The following CACNG2 variants were observed in gnomAD, a reference collection of about 807,000 sequenced individuals.
CACNG2 encodes voltage-dependent calcium channel gamma-2 subunit.
Under a neutral mutation model 25.9 loss-of-function variants are expected in CACNG2, and 3 were observed. The observed-to-expected ratio is 0.12, with a 90% confidence interval of 0.05 to 0.30. The LOEUF (loss-of-function observed/expected upper bound fraction) is 0.30. Among genes scored for constraint, CACNG2 ranks in the 10% least tolerant of loss-of-function variants. CACNG2 has a pLI of 1.00. For missense variants in CACNG2, 341 were observed against 432.5 expected (o/e 0.79, Z 1.88); for synonymous variants, 167 against 173.3 (o/e 0.96, Z 0.29).
intron 1 of CACNG2, among the ~76,000 whole-genome samples, chr22:36,622,771 C>A (rs1254764004): frequency 6.6e-6 from 1 of 151,988 alleles, no homozygotes; most frequent in Non-Finnish European, 1.5e-5. Context: ...CCAGCCTGGC[C>A]AACATGGAGA....
rs1473542606 is a variant in CACNG2, at chr22:36,562,577, AGTT to A, written c.*1771_*1773del. ...TGAATGAACACAAAGGCCAGTGTGG[AGTT>A]GTTGTCGTCCATGGCTTTGGAGGGC... On this transcript the variant is annotated 3_prime_UTR_variant, in exon 4 of 4. Coordinates refer to ENST00000300105, the MANE Select transcript of CACNG2 (RefSeq NM_006078.5). The A allele has an allele frequency of 6.6e-6, 1 of 151,488 alleles. No homozygotes were observed. The highest frequency in any genetic ancestry group is 2.4e-5 in the African/African-American group (1 of 41,094). 9.4% of individuals were successfully genotyped at this position (151,488 alleles called of 1,614,324 possible).
rs559337133 is a variant in CACNG2 at position 36,580,521 on chromosome 22, G to A, written c.295+6944C>T. On this transcript the variant is annotated intron_variant, in intron 2 of 3. Coordinates refer to ENST00000300105, the MANE Select transcript of CACNG2 (RefSeq NM_006078.5). ...TCTCCACTTCTGGCTATGGAGTGTG[G>A]CCTGGTGATCCCCCCATTGAGGCCT... is the stretch of plus-strand genomic sequence containing the variant. Among the ~76,000 whole-genome samples, 43 of 152,250 alleles carry A rather than the reference G, an allele frequency of 2.8e-4. 1 individual carries two copies. Among genetic ancestry groups the A allele is most frequent in the Admixed American group, 1.8e-3 (28 of 15,286 alleles).
chr22:36,569,952 C>T (rs1164306126), intron 2 of CACNG2, among the ~76,000 whole-genome samples: 1 of 152,194 alleles, frequency 6.6e-6, no homozygotes, highest in African/African-American at 2.4e-5. Context: ...GTGTGGCTTC[C>T]GAGGCGCAGC....
chr22:36,564,561 G>C lies in CACNG2; in HGVS notation c.762C>G (p.Pro254=), dbSNP rs775042681. 6.2e-7 allele frequency: 1 copy of C among 1,613,950 alleles called. No homozygotes were observed. Among genetic ancestry groups the C allele is most frequent in the African/African-American group, 1.3e-5 (1 of 74,936 alleles). Residue 254 remains proline, a synonymous_variant, in exon 4 of 4, where the codon CCC becomes CCG. Transcript: ENST00000300105. The surrounding 1 kb of genome is among the most constrained non-coding windows in gnomAD (Gnocchi z 6.7). ...GGGTGTTGAAGCCCTTGATGCCCAC[G>C]GGGGAGGCGTCCCTGGAGTGTGAGG... The part of the protein sequence containing the change: ...TEPSHSRDAS[P]VGIKGFNTLP...
In CACNG2 at chr22:36,701,697, G is replaced by A. The variant is rs377139550; in HGVS notation, c.211+669C>T. Among the ~76,000 whole-genome samples, 36 of 152,306 alleles carry A rather than the reference G, an allele frequency of 2.4e-4. No individual in the cohort carries two copies. The East Asian group carries it at 5.8e-3, about 24-fold the overall frequency. On this transcript the variant is annotated intron_variant, in intron 1 of 3. Transcript: ENST00000300105. ...GAACTTAGGCTTGTTTCCTGTGAGAGACGTATGTATTTTTAGACTTTGTAA... is the reference window on the plus strand; with the variant it reads ...GAACTTAGGCTTGTTTCCTGTGAGAAACGTATGTATTTTTAGACTTTGTAA...
intron 1 of CACNG2, among the ~76,000 whole-genome samples, chr22:36,677,979 A>G (rs901856919): frequency 6.6e-6 from 1 of 152,194 alleles, no homozygotes; most frequent in African/African-American, 2.4e-5. Flanking sequence ...GCCAGCTTGG[A>G]AGCTGCTAAA....
chr22:36,612,209 T>C (rs1603501615), intron 1 of CACNG2, among the ~76,000 whole-genome samples: 1 of 152,312 alleles, frequency 6.6e-6, no homozygotes, highest in East Asian at 1.9e-4. Flanking sequence ...GTAAGACATG[T>C]CACCTCTTAG....
intron 1 of CACNG2, among the ~76,000 whole-genome samples, chr22:36,592,708 C>T (rs1166621756): frequency 6.6e-6 from 1 of 151,898 alleles, no homozygotes; most frequent in Non-Finnish European, 1.5e-5. Flanking sequence ...GATGGCTTGA[C>T]TGGACCATGC....
intron 1 of CACNG2, among the ~76,000 whole-genome samples, chr22:36,677,066 C>T (rs987731418): frequency 2.0e-5 from 3 of 151,986 alleles, no homozygotes; most frequent in Admixed American, 1.3e-4. Flanking sequence ...AACAATCTTA[C>T]AGTATCAAAC....
chr22:36,645,069 A>G (rs1314328705), intron 1 of CACNG2, among the ~76,000 whole-genome samples: 1 of 152,224 alleles, frequency 6.6e-6, no homozygotes, highest in Non-Finnish European at 1.5e-5. Context: ...TCCTTCATTA[A>G]CGTTCTAAAA....
At chr22:36,652,471 T>A (rs1205524018) in intron 1 of CACNG2, among the ~76,000 whole-genome samples, 2 of 152,190 alleles carry the variant, frequency 1.3e-5, no homozygotes, top group African/African-American at 4.8e-5. Context: ...CTTCTTCCTT[T>A]ATTTCCAGAA....
Position 36,581,494 on chromosome 22 carries a change from G to A in CACNG2, c.295+5971C>T, listed in dbSNP as rs566486482. Among the ~76,000 whole-genome samples, 15 of 152,252 alleles carry A rather than the reference G, an allele frequency of 9.9e-5. No homozygotes were observed. The East Asian group carries it at 1.9e-3, about 20-fold the overall frequency. On this transcript the variant is annotated intron_variant, in intron 2 of 3. Transcript: ENST00000300105. The stretch of plus-strand genomic sequence containing the variant: ...GAGCCCCACCATCCTTTCCACCCCC[G>A]GAGATGAGCTCTGAACTGCTGTCCA...
intron 1 of CACNG2, among the ~76,000 whole-genome samples, chr22:36,668,275 C>T (rs1296935157): frequency 1.3e-5 from 2 of 152,346 alleles, no homozygotes; most frequent in East Asian, 3.9e-4. Context: ...CTGCCTTCTC[C>T]CATGTACCTC....
chr22:36,692,857 A>T (rs369664984), intron 1 of CACNG2, among the ~76,000 whole-genome samples: 1 of 152,204 alleles, frequency 6.6e-6, no homozygotes, highest in African/African-American at 2.4e-5. Flanking sequence ...TACAAAGTTA[A>T]AAAAGAAGCC....
At chr22:36,597,283 C>G (rs1056028256) in intron 1 of CACNG2, among the ~76,000 whole-genome samples, 1 of 152,226 alleles carries the variant, frequency 6.6e-6, no homozygotes, top group Non-Finnish European at 1.5e-5. Context: ...CTCGGCCTCC[C>G]AAAGTGCTGG....
chr22:36,594,944 GTGTC>G (rs1455401044), intron 1 of CACNG2, among the ~76,000 whole-genome samples: 2 of 151,794 alleles, frequency 1.3e-5, no homozygotes, highest in Non-Finnish European at 2.9e-5. Flanking sequence ...GTGTTTGTGT[GTGTC>G]TGTGTCTGTA....
chr22:36,667,204 C>T (rs186821354), intron 1 of CACNG2, among the ~76,000 whole-genome samples: 8 of 152,268 alleles, frequency 5.3e-5, no homozygotes, highest in East Asian at 1.9e-4. Context: ...CTTCTGACCT[C>T]GGCCTTCCAA....
At chr22:36,654,593 A>T (rs1187895423) in intron 1 of CACNG2, among the ~76,000 whole-genome samples, 2 of 152,158 alleles carry the variant, frequency 1.3e-5, no homozygotes, top group African/African-American at 4.8e-5. Flanking sequence ...TCTTTGGCAC[A>T]TATATTTTGA....
At chr22:36,607,023 A>G (rs1935847038) in intron 1 of CACNG2, among the ~76,000 whole-genome samples, 2 of 151,266 alleles carry the variant, frequency 1.3e-5, no homozygotes, top group African/African-American at 4.9e-5. Flanking sequence ...CTGTGAGTGT[A>G]TATGTGTGAA....
Sources: allele counts gnomAD v4.1 joint callset (sites outside exome capture counted in the v4.1 genomes callset), GRCh38; gene constraint gnomAD v4.1.1; non-coding constraint Gnocchi (gnomAD v3.1); transcripts MANE v1.5; gene names NCBI Gene and HGNC (gene_info 2026-07-23, HGNC 2026-07-21).